The following SLC6A13 variants were observed in gnomAD, a reference collection of about 807,000 sequenced individuals.
The protein encoded by SLC6A13 is solute carrier family 6 member 13.
In SLC6A13, 69 loss-of-function variants were observed where a neutral mutation model predicts 72.9. The ratio of observed to expected loss-of-function variants is 0.95; its 90% confidence interval spans 0.78 to 1.16. SLC6A13 has a LOEUF of 1.16. Among genes scored for constraint, SLC6A13 ranks in the 50% most tolerant of loss-of-function variants. The probability of loss-of-function intolerance (pLI) is 0.00; values close to 1 mark genes in which losing one functional copy is unlikely to be tolerated. For synonymous variants in SLC6A13, 303 were observed against 303.0 expected (o/e 1.00, Z 0.00); for missense variants, 735 against 760.5 (o/e 0.97, Z 0.39).
Position 254,901 on chromosome 12 carries a change from C to A in SLC6A13, c.202+4950G>T, listed in dbSNP as rs1191828810. Among the ~76,000 whole-genome samples, 2 of 152,178 alleles carry A rather than the reference C, an allele frequency of 1.3e-5. No individual in the cohort carries two copies. The highest frequency in any genetic ancestry group is 4.8e-5 in the African/African-American group (2 of 41,438). Reference sequence around the variant, plus strand: ...GTGGCTTATGCCTGTAATCCCAGCACTTTGGGAGGCCGAGGCAGGCAGATC... The same window carrying A: ...GTGGCTTATGCCTGTAATCCCAGCAATTTGGGAGGCCGAGGCAGGCAGATC... On this transcript the variant is annotated intron_variant, in intron 2 of 14. Coordinates refer to ENST00000343164, the MANE Select transcript of SLC6A13 (RefSeq NM_016615.5). This position sits in a 1 kb window ranked among gnomAD's most constrained non-coding sequence, Gnocchi z 4.4.
At chr12:226,626 C>A in intron 8 of SLC6A13, 112 bp from the exon 9 acceptor site, 1 of 1,340,278 alleles carries the variant, frequency 7.5e-7, no homozygotes, top group Non-Finnish European at 1.0e-6. Flanking sequence ...TGTCCTGGCC[C>A]CTTCACGGAC....
At chr12:243,905 C>A in intron 2 of SLC6A13, 92 bp from the exon 3 acceptor site, 1 of 1,295,752 alleles carries the variant, frequency 7.7e-7, no homozygotes, top group Non-Finnish European at 1.1e-6. Flanking sequence ...TACTGCCAGT[C>A]AGAATCTCGG....
intron 13 of SLC6A13, 47 bp from the exon 14 acceptor site, chr12:221,593 G>T: frequency 7.7e-7 from 1 of 1,305,486 alleles, no homozygotes. Context: ...CGGGGGCCTT[G>T]TGCCCTCAGC....
At chr12:235,254 C>T in intron 6 of SLC6A13, 30 bp from the exon 7 acceptor site, 1 of 1,613,678 alleles carries the variant, frequency 6.2e-7, no homozygotes, top group Non-Finnish European at 8.5e-7. Context: ...AGACAAGGAG[C>T]TTGTGAGTGA....
Position 220,682 on chromosome 12 carries a change from C to T in SLC6A13, c.*266G>A. 1 of 439,462 alleles carries T rather than the reference C, an allele frequency of 2.3e-6. No homozygotes were observed. The highest frequency in any genetic ancestry group is 4.9e-5 in the East Asian group (1 of 20,212). The allele number at this position is 439,462 out of a possible 1,614,324, so 27.2% of individuals were successfully genotyped here. A position where few individuals can be genotyped will look rare whatever the true frequency, so the allele number is the denominator to read the frequency against. On this transcript the variant is annotated 3_prime_UTR_variant, in exon 15 of 15. Transcript: ENST00000343164. ...ATGAGAGGGCCCGAAGCCAGCAAGT[C>T]TCGCCCCACCTACCAGCCCCCACCC...
Position 224,149 on chromosome 12 carries a change from G to A in SLC6A13, c.1174-20C>T. On this transcript the variant is annotated intron_variant, in intron 10 of 14. Transcript: ENST00000343164. ...CACAAACTGGATGACAGGGCAAAGG[G>A]ATTGGAGGGAAGGAGAGCTCCCGAG... 2 of 1,613,692 alleles carry A rather than the reference G, an allele frequency of 1.2e-6. No homozygotes were observed. The highest frequency in any genetic ancestry group is 1.7e-6 in the Non-Finnish European group (2 of 1,179,724).
chr12:240,702 G>A (rs967339920), intron 4 of SLC6A13, among the ~76,000 whole-genome samples: 5 of 152,226 alleles, frequency 3.3e-5, no homozygotes, highest in Non-Finnish European at 2.9e-5. Flanking sequence ...GAGCAGGGCC[G>A]GGGCCGGTGC....
At position 254,324 on chromosome 12, in the gene SLC6A13, C is replaced by T. The variant is rs1050473654; in HGVS notation, c.202+5527G>A. Among the ~76,000 whole-genome samples, 4 of 152,202 alleles carry T rather than the reference C, an allele frequency of 2.6e-5. No individual in the cohort carries two copies. Among genetic ancestry groups the T allele is most frequent in the Non-Finnish European group, 4.4e-5 (3 of 68,038 alleles). On this transcript the variant is annotated intron_variant, in intron 2 of 14. Coordinates refer to ENST00000343164, the MANE Select transcript of SLC6A13 (RefSeq NM_016615.5). This position sits in a 1 kb window ranked among gnomAD's most constrained non-coding sequence, Gnocchi z 4.4. ...GGAAGGGGTGGATTTTACCTACTCC[C>T]ACATTTTGCCCCAATAACCCACATT...
At chr12:222,300 G>T (rs772974755) in intron 13 of SLC6A13, among the ~76,000 whole-genome samples, 27 of 152,320 alleles carry the variant, frequency 1.8e-4, no homozygotes, top group Non-Finnish European at 3.7e-4. Flanking sequence ...TCACACTGTG[G>T]TGTTGGTCAA....
At position 250,744 on chromosome 12, in the gene SLC6A13, T is replaced by TATTGTATTA. The variant is rs550486786; in HGVS notation, c.203-6932_203-6931insTAATACAAT. Among the ~76,000 whole-genome samples, 11 of 135,444 alleles carry TATTGTATTA rather than the reference T, an allele frequency of 8.1e-5. No homozygotes were observed. In the South Asian group the frequency reaches 2.3e-3, roughly 29 times the overall value. 88.9% of individuals were successfully genotyped at this position (135,444 alleles called of 152,430 possible). On this transcript the variant is annotated intron_variant, in intron 2 of 14. Coordinates refer to ENST00000343164, the MANE Select transcript of SLC6A13 (RefSeq NM_016615.5). ...TTGATCTATAGATTTAATACAATCC[T>TATTGTATTA]AATCAAAAGCACAACAGACTTTTTT... is the stretch of plus-strand genomic sequence containing the variant.
At chr12:235,316 C>A (rs1749373115) in intron 6 of SLC6A13, 92 bp from the exon 7 acceptor site, 1 of 1,299,870 alleles carries the variant, frequency 7.7e-7, no homozygotes, top group African/African-American at 1.5e-5. Context: ...AAGAGCTCCT[C>A]AGAAAAGGTC....
intron 7 of SLC6A13, among the ~76,000 whole-genome samples, chr12:232,678 C>G (rs1421963233): frequency 1.3e-5 from 2 of 152,222 alleles, no homozygotes; most frequent in East Asian, 3.8e-4. Flanking sequence ...CAGTAGCAAT[C>G]TGTATCTCCA....
chr12:221,390 C>T lies in SLC6A13; in HGVS notation c.1672G>A (p.Gly558Ser), dbSNP rs759477701. ...WSLYRLGTLK[G>S]PFRERIRQLM... ...AAAGGCCCTACCTCTCTGAAGGGGC[C>T]CTTGAGGGTTCCGAGTCTGTAGAGG... The change falls in exon 14 of 15, where the codon GGC (glycine) becomes AGC (serine). Residue 558 changes from glycine to serine, a missense_variant. Physicochemically the swap from Gly to Ser is moderately conservative, Grantham distance 56 (BLOSUM62 0). Coordinates refer to ENST00000343164, the MANE Select transcript of SLC6A13 (RefSeq NM_016615.5). The T allele has an allele frequency of 1.2e-6, 2 of 1,602,290 alleles. No individual in the cohort carries two copies. Among genetic ancestry groups the T allele is most frequent in the South Asian group, 1.1e-5 (1 of 89,498 alleles).
chr12:261,793 G>A (rs1942934264), intron 1 of SLC6A13, among the ~76,000 whole-genome samples: 1 of 152,128 alleles, frequency 6.6e-6, no homozygotes, highest in African/African-American at 2.4e-5. Context: ...GGGCATGGTG[G>A]CAGGCACCTG....
chr12:230,795 C>G (rs1173846842), intron 7 of SLC6A13, among the ~76,000 whole-genome samples: 3 of 152,170 alleles, frequency 2.0e-5, no homozygotes, highest in Non-Finnish European at 2.9e-5. Context: ...CCCAAACTCA[C>G]AGGGTTGAAC....
intron 13 of SLC6A13, 55 bp from the exon 14 acceptor site, chr12:221,601 A>AGCTCCCCC: frequency 8.3e-7 from 1 of 1,200,502 alleles, no homozygotes. Flanking sequence ...TTGTGCCCTC[A>AGCTCCCCC]GCTCCCCCGC....
At position 241,112 on chromosome 12, in the gene SLC6A13, T is replaced by C. The variant is rs143970818; in HGVS notation, c.478+1502A>G. Among the ~76,000 whole-genome samples the C allele has an allele frequency of 9.2e-4, 140 of 152,206 alleles. 1 individual carries two copies. In the East Asian group the frequency reaches 0.023, roughly 25 times the overall value. ...CAAGGTCAGGAGTTCAAGACCAGCC[T>C]GGCCAAAATGGTGAAACCCTGTCTC... On this transcript the variant is annotated intron_variant, in intron 4 of 14. Transcript: ENST00000343164.
At chr12:252,559 C>T (rs1379014922) in intron 2 of SLC6A13, among the ~76,000 whole-genome samples, 4 of 152,198 alleles carry the variant, frequency 2.6e-5, no homozygotes, top group Admixed American at 2.6e-4. Context: ...GTATTCTACA[C>T]ATCCATAATT....
chr12:249,763 C>A (rs1027324412), intron 2 of SLC6A13, among the ~76,000 whole-genome samples: 4 of 151,988 alleles, frequency 2.6e-5, no homozygotes, highest in Non-Finnish European at 4.4e-5. Flanking sequence ...ATAAAGTGAG[C>A]ATTACCCTGA....
Sources: gnomAD v4.1 joint callset for allele counts (sites outside exome capture counted in the v4.1 genomes callset) on GRCh38, gnomAD v4.1.1 for gene constraint, Gnocchi (gnomAD v3.1) non-coding constraint, MANE v1.5 for transcripts, NCBI Gene and HGNC (gene_info 2026-07-23, HGNC 2026-07-21) for gene names.